BICD1: variants seen among roughly 807,000 people sequenced by gnomAD.
The protein encoded by BICD1 is protein bicaudal D homolog 1.
Under a neutral mutation model 92.5 loss-of-function variants are expected in BICD1, and 35 were observed. The ratio of observed to expected loss-of-function variants is 0.38; its 90% CI spans 0.29 to 0.50. BICD1 has a LOEUF of 0.50. Ranked by LOEUF, BICD1 falls within the 20% of genes least tolerant of loss-of-function variation. The pLI is 0.93. For synonymous variants in BICD1, 429 were observed against 465.1 expected (o/e 0.92, Z 1.00); for missense variants, 950 against 1,189.8 (o/e 0.80, Z 2.97).
At chr12:32,159,305 A>G (rs1003376817) in intron 1 of BICD1, among the ~76,000 whole-genome samples, 3 of 152,116 alleles carry the variant, frequency 2.0e-5, no homozygotes, top group Admixed American at 6.5e-5. Flanking sequence ...TTGAGAAGCC[A>G]TGTGGAGAGA....
At chr12:32,202,549 A>G (rs1944936861) in intron 1 of BICD1, among the ~76,000 whole-genome samples, 1 of 152,104 alleles carries the variant, frequency 6.6e-6, no homozygotes, top group African/African-American at 2.4e-5. Flanking sequence ...ACAGATTGCC[A>G]TTAGGATACC....
At chr12:32,178,584 G>A (rs1944185491) in intron 1 of BICD1, among the ~76,000 whole-genome samples, 1 of 152,008 alleles carries the variant, frequency 6.6e-6, no homozygotes, top group African/African-American at 2.4e-5. Flanking sequence ...AAATTTGTCT[G>A]TGATTTACAG....
chr12:32,315,982 A>G (rs1205558591), intron 4 of BICD1, among the ~76,000 whole-genome samples: 4 of 151,894 alleles, frequency 2.6e-5, no homozygotes, highest in Non-Finnish European at 4.4e-5. Context: ...CTAAAAATAC[A>G]AAAATTAGCC....
chr12:32,130,348 C>T (rs985434949), intron 1 of BICD1, among the ~76,000 whole-genome samples: 13 of 152,058 alleles, frequency 8.5e-5, no homozygotes, highest in East Asian at 3.9e-4. Flanking sequence ...GGACTACAGG[C>T]GCCTGCCACC....
chr12:32,270,246 G>A (rs932715179), intron 2 of BICD1, among the ~76,000 whole-genome samples: 1 of 151,562 alleles, frequency 6.6e-6, no homozygotes, highest in South Asian at 2.1e-4. Context: ...AATATAATAA[G>A]ATGTATCTCC....
chr12:32,339,027 T>C (rs1292784448), intron 8 of BICD1, 48 bp downstream of exon 8: 14 of 1,526,712 alleles, frequency 9.2e-6, no homozygotes, highest in Non-Finnish European at 9.6e-6. Flanking sequence ...ATTAGTTGAA[T>C]AGACTCTCCC....
chr12:32,325,299 A>G (rs1565671613), intron 4 of BICD1, among the ~76,000 whole-genome samples: 1 of 152,250 alleles, frequency 6.6e-6, no homozygotes, highest in South Asian at 2.1e-4. Context: ...AGTGAACTGA[A>G]TAACAGATAC....
At chr12:32,150,901 G>A (rs952531841) in intron 1 of BICD1, among the ~76,000 whole-genome samples, 3 of 152,126 alleles carry the variant, frequency 2.0e-5, no homozygotes, top group Admixed American at 6.5e-5. Flanking sequence ...TCTTCTGTCC[G>A]AGCATTTTCT....
chr12:32,178,881 G>A lies in BICD1; in HGVS notation c.214-37366G>A, dbSNP rs1280591270. On this transcript the variant is annotated intron_variant, in intron 1 of 9. Transcript: ENST00000652176. The stretch of plus-strand genomic sequence containing the variant: ...AGGCTGTCCTGGCACACTGCAGGCC[G>A]GGCATCATTTCATGGTGGAGGACGT... Among the ~76,000 whole-genome samples the A allele has an allele frequency of 2.6e-5, 4 of 151,874 alleles. 1 individual carries two copies. Among genetic ancestry groups the A allele is most frequent in the Non-Finnish European group, 5.9e-5 (4 of 67,910 alleles).
chr12:32,181,961 T>G lies in BICD1; in HGVS notation c.214-34286T>G, dbSNP rs759897704. ...ACCGTGGTGTCTGGCAGAATTGTGA[T>G]AGTAATTGCTCTAAGATGCATTCTG... On this transcript the variant is annotated intron_variant, in intron 1 of 9. Transcript: ENST00000652176. 2.1e-4 allele frequency among the ~76,000 whole-genome samples: 32 copies of G among 152,028 alleles called. 1 individual carries two copies. The highest frequency in any genetic ancestry group is 5.9e-4 in the Admixed American group (9 of 15,234).
intron 2 of BICD1, among the ~76,000 whole-genome samples, chr12:32,278,203 C>T (rs1328762760): frequency 6.6e-6 from 1 of 152,128 alleles, no homozygotes; most frequent in Non-Finnish European, 1.5e-5. Flanking sequence ...AGTGTATTAC[C>T]AATATTTCCT....
In BICD1 at chr12:32,381,862, GTAAC is replaced by G. The variant is rs755825703; in HGVS notation, c.*4236_*4239del. Reference sequence around the variant, plus strand: ...GTTTATAAACTAGAGTGATTTTTAAGTAACCCTTATATTTAAGGCTGCAAAAAAT... The same window carrying G: ...GTTTATAAACTAGAGTGATTTTTAAGCCTTATATTTAAGGCTGCAAAAAAT... On this transcript the variant is annotated 3_prime_UTR_variant, in exon 10 of 10. Coordinates refer to ENST00000652176, the MANE Select transcript of BICD1 (RefSeq NM_001714.4). 3.9e-5 allele frequency: 6 copies of G among 152,094 alleles called. No homozygotes were observed. Among genetic ancestry groups the G allele is most frequent in the Non-Finnish European group, 5.9e-5 (4 of 67,974 alleles). The allele number at this position is 152,094 out of a possible 1,614,324, so 9.4% of individuals were successfully genotyped here.
intron 1 of BICD1, among the ~76,000 whole-genome samples, chr12:32,153,900 A>G (rs1943363077): frequency 6.6e-6 from 1 of 151,908 alleles, no homozygotes; most frequent in African/African-American, 2.4e-5. Context: ...GCTTGAAATC[A>G]GGGGTTGGAA....
chr12:32,338,535 A>C (rs1336389895), intron 7 of BICD1: 2 of 355,426 alleles, frequency 5.6e-6, no homozygotes, highest in Non-Finnish European at 9.8e-6. Flanking sequence ...AAAGACTCAA[A>C]TAATATATTT....
At chr12:32,227,387 G>A (rs1410772015) in intron 2 of BICD1, 1 of 152,528 alleles carries the variant, frequency 6.6e-6, no homozygotes, top group Admixed American at 6.5e-5. Flanking sequence ...CAGGGAGGTG[G>A]GAGGGAGTCT....
chr12:32,118,016 C>T (rs866825868), intron 1 of BICD1, among the ~76,000 whole-genome samples: 5 of 151,406 alleles, frequency 3.3e-5, no homozygotes, highest in African/African-American at 7.3e-5. Context: ...TCCCAAAGTG[C>T]TGGGATTACA....
Position 32,377,748 on chromosome 12 carries a change from A to C in BICD1, c.*121A>C, listed in dbSNP as rs1484090966. ...TAGATGTACAATTGGATTAATGTCC[A>C]TCGTTTTGGAAGACGAGAGAAAGTT... On this transcript the variant is annotated 3_prime_UTR_variant, in exon 10 of 10. Transcript: ENST00000652176. The C allele has an allele frequency of 1.2e-6, 1 of 852,046 alleles. No individual in the cohort carries two copies. Among genetic ancestry groups the C allele is most frequent in the Non-Finnish European group, 1.9e-6 (1 of 525,522 alleles). The allele number at this position is 852,046 out of a possible 1,614,324, so 52.8% of individuals were successfully genotyped here. A position where few individuals can be genotyped will look rare whatever the true frequency, so the allele number is the denominator to read the frequency against.
intron 6 of BICD1, among the ~76,000 whole-genome samples, chr12:32,335,363 G>A (rs1045997944): frequency 2.6e-5 from 4 of 151,586 alleles, no homozygotes; most frequent in Non-Finnish European, 5.9e-5. Context: ...TGTTAGCCAG[G>A]ATGGTCTCGA....
At chr12:32,359,383 G>A (rs1939234804) in intron 8 of BICD1, among the ~76,000 whole-genome samples, 1 of 151,632 alleles carries the variant, frequency 6.6e-6, no homozygotes, top group Admixed American at 6.6e-5. Context: ...CACGGTGAGA[G>A]CCTTCTTGCT....
Sources: allele counts gnomAD v4.1 joint callset (sites outside exome capture counted in the v4.1 genomes callset), GRCh38; gene constraint gnomAD v4.1.1; transcripts MANE v1.5; gene names NCBI Gene and HGNC (gene_info 2026-07-23, HGNC 2026-07-21).